Variants in KCNJ15 observed in about 807,000 individuals in gnomAD.
KCNJ15 encodes the protein potassium inwardly rectifying channel subfamily J member 15, also known as ATP-sensitive inward rectifier potassium channel 15.
A neutral mutation model predicts 23.0 loss-of-function variants in KCNJ15; 14 were observed. That is an observed-to-expected ratio of 0.61 (90% CI 0.40 to 0.95). The LOEUF (loss-of-function observed/expected upper bound fraction) is 0.95, where lower values mean the gene tolerates loss of function less well. Among genes scored for constraint, KCNJ15 ranks in the 40% least tolerant of loss-of-function variants. The pLI, the probability that KCNJ15 is intolerant of heterozygous loss-of-function variation, is 0.00. For missense variants in KCNJ15, 388 were observed against 461.8 expected, an observed-to-expected ratio of 0.84 and a Z score of 1.46; for synonymous variants, 185 against 183.2, an observed-to-expected ratio of 1.01 and a Z score of -0.08.
In KCNJ15 at chr21:38,276,705, G is replaced by A. The variant is rs891533181; in HGVS notation, c.-117+19520G>A. Among the ~76,000 whole-genome samples the A allele has an allele frequency of 2.1e-4, 32 of 151,738 alleles. 1 individual carries two copies. Among genetic ancestry groups the A allele is most frequent in the Admixed American group, 1.9e-3 (29 of 15,242 alleles). On this transcript the variant is annotated intron_variant, in intron 1 of 2. Coordinates refer to ENST00000398938, the MANE Select transcript of KCNJ15 (RefSeq NM_170736.3). Reference sequence around the variant, plus strand: ...CTTCATACCCTTTTTTTGGTACCCCGAACCTAAAATAAAAGTTTAAAAAAT... The same window carrying A: ...CTTCATACCCTTTTTTTGGTACCCCAAACCTAAAATAAAAGTTTAAAAAAT...
At chr21:38,298,876 T>C (rs1985444154) in intron 2 of KCNJ15, among the ~76,000 whole-genome samples, 1 of 152,252 alleles carries the variant, frequency 6.6e-6, no homozygotes, top group Admixed American at 6.5e-5. Context: ...ACATTATTTT[T>C]TTGAAACACA....
chr21:38,261,999 A>C (rs1466138848), intron 1 of KCNJ15, among the ~76,000 whole-genome samples: 1 of 152,226 alleles, frequency 6.6e-6, no homozygotes, highest in Non-Finnish European at 1.5e-5. Flanking sequence ...CATGCCTACC[A>C]AGCCAAATAA....
chr21:38,250,924 G>A (rs145084190), intron 1 of KCNJ15, among the ~76,000 whole-genome samples: 1 of 152,296 alleles, frequency 6.6e-6, no homozygotes, highest in East Asian at 1.9e-4. Context: ...TCTGTTGTAG[G>A]TAAGACGTGT....
chr21:38,291,850 T>A (rs1984638416), intron 1 of KCNJ15: 1 of 152,376 alleles, frequency 6.6e-6, no homozygotes, highest in Admixed American at 6.5e-5. Context: ...GACTATGGAT[T>A]CCAACATACC....
intron 1 of KCNJ15, among the ~76,000 whole-genome samples, chr21:38,282,846 T>C (rs1484283775): frequency 1.3e-5 from 2 of 152,092 alleles, no homozygotes; most frequent in East Asian, 1.9e-4. Context: ...GTAAGTATTA[T>C]CATGAGGTGT....
In KCNJ15 at chr21:38,305,093, AAAAAGAAAAAG is replaced by A. The variant is rs1986010694; in HGVS notation, c.*4709_*4719del. 6.7e-6 allele frequency: 1 copy of A among 148,548 alleles called. No homozygotes were observed. Among genetic ancestry groups the A allele is most frequent in the African/African-American group, 2.6e-5 (1 of 39,192 alleles). 9.2% of individuals were successfully genotyped at this position (148,548 alleles called of 1,614,324 possible). A position where few individuals can be genotyped will look rare whatever the true frequency, so the allele number is the denominator to read the frequency against. Reference sequence around the variant, plus strand: ...AAAACTCCGTCTCAAAAAAAAAAAAAAAAAGAAAAAGAAAAAGAAAAGAAAAGAAAATAAAC... The same window carrying A: ...AAAACTCCGTCTCAAAAAAAAAAAAAAAAAAGAAAAGAAAAGAAAATAAAC... On this transcript the variant is annotated 3_prime_UTR_variant, in exon 3 of 3. Coordinates refer to ENST00000398938, the MANE Select transcript of KCNJ15 (RefSeq NM_170736.3).
intron 1 of KCNJ15, among the ~76,000 whole-genome samples, chr21:38,284,613 T>C (rs1439269806): frequency 6.6e-6 from 1 of 152,234 alleles, no homozygotes; most frequent in African/African-American, 2.4e-5. Flanking sequence ...ATGATCACTT[T>C]CAAAAGCAAG....
intron 1 of KCNJ15, among the ~76,000 whole-genome samples, chr21:38,274,581 C>T (rs1982457592): frequency 6.6e-6 from 1 of 152,182 alleles, no homozygotes; most frequent in East Asian, 1.9e-4. Flanking sequence ...TGGGTAAATA[C>T]ATGTGCAATA....
chr21:38,290,989 A>G (rs201078933), intron 1 of KCNJ15, among the ~76,000 whole-genome samples: 1 of 150,684 alleles, frequency 6.6e-6, no homozygotes, highest in Non-Finnish European at 1.5e-5. Context: ...TGTCATAAAA[A>G]GGCTAAACAC....
At chr21:38,271,437 C>T (rs1982084892) in intron 1 of KCNJ15, among the ~76,000 whole-genome samples, 1 of 152,176 alleles carries the variant, frequency 6.6e-6, no homozygotes. Flanking sequence ...CAGGCGGAAG[C>T]AACATAATTA....
intron 2 of KCNJ15, 131 bp downstream of exon 2, chr21:38,297,154 G>C (rs1377838709): frequency 1.3e-5 from 2 of 152,638 alleles, no homozygotes; most frequent in African/African-American, 2.4e-5. Flanking sequence ...AACACACCCA[G>C]AGGCTCTAGG....
intron 1 of KCNJ15, among the ~76,000 whole-genome samples, chr21:38,242,475 TC>T (rs1979076662): frequency 6.6e-6 from 1 of 152,078 alleles, no homozygotes; most frequent in Non-Finnish European, 1.5e-5. Flanking sequence ...AAACCAGCAC[TC>T]AGAGGCAAAG....
intron 1 of KCNJ15, among the ~76,000 whole-genome samples, chr21:38,267,892 C>T (rs773026106): frequency 1.4e-4 from 22 of 152,188 alleles, no homozygotes; most frequent in Non-Finnish European, 2.9e-4. Context: ...TTAAATCTAT[C>T]ATGACTTAAA....
intron 1 of KCNJ15, among the ~76,000 whole-genome samples, chr21:38,279,827 G>A (rs1030417080): frequency 1.3e-5 from 2 of 152,142 alleles, no homozygotes; most frequent in African/African-American, 4.8e-5. Flanking sequence ...TTAACTCCAT[G>A]GGTTTTATTA....
At chr21:38,265,055 G>A (rs1290682720) in intron 1 of KCNJ15, among the ~76,000 whole-genome samples, 1 of 152,190 alleles carries the variant, frequency 6.6e-6, no homozygotes, top group Non-Finnish European at 1.5e-5. Flanking sequence ...GGGGTGATTT[G>A]ATCCATGGAG....
At chr21:38,272,399 T>C (rs758489173) in intron 1 of KCNJ15, 10 of 152,356 alleles carry the variant, frequency 6.6e-5, no homozygotes, top group Admixed American at 2.6e-4. Flanking sequence ...GGAGAGTGTG[T>C]TCCTGCCTAC....
chr21:38,267,606 C>T (rs1363488425), intron 1 of KCNJ15, among the ~76,000 whole-genome samples: 1 of 152,008 alleles, frequency 6.6e-6, no homozygotes, highest in Non-Finnish European at 1.5e-5. Flanking sequence ...ATGGCGCCAC[C>T]CTTGACTCAT....
intron 1 of KCNJ15, among the ~76,000 whole-genome samples, chr21:38,278,136 T>C (rs919750517): frequency 8.9e-6 from 1 of 112,530 alleles, no homozygotes; most frequent in African/African-American, 3.1e-5. Context: ...GCTTGCTTTT[T>C]GAGACCCAGC....
At chr21:38,257,787 G>A (rs1568990728) in intron 1 of KCNJ15, among the ~76,000 whole-genome samples, 1 of 152,156 alleles carries the variant, frequency 6.6e-6, no homozygotes, top group Non-Finnish European at 1.5e-5. Context: ...AATTTCATGA[G>A]AGTTTAGACT....
Sources: allele counts gnomAD v4.1 joint callset (sites outside exome capture counted in the v4.1 genomes callset), GRCh38; gene constraint gnomAD v4.1.1; transcripts MANE v1.5; gene names NCBI Gene and HGNC (gene_info 2026-07-23, HGNC 2026-07-21).